The following CLDN16 variants were observed in gnomAD, a reference collection of about 807,000 sequenced individuals.
CLDN16 encodes the protein claudin-16.
CLDN16 carries 13 observed loss-of-function variants against 24.6 expected under a neutral mutation model. The observed-to-expected ratio is 0.53, with a 90% CI of 0.34 to 0.84. The LOEUF is 0.84. Among genes scored for constraint, CLDN16 ranks in the 40% least tolerant of loss-of-function variants. The probability of loss-of-function intolerance (pLI) is 0.01; values close to 1 mark genes in which losing one functional copy is unlikely to be tolerated. For missense variants in CLDN16, 298 were observed against 292.7 expected (o/e 1.02, Z -0.13); for synonymous variants, 116 against 106.7 (o/e 1.09, Z -0.54).
chr3:190,304,049 A>C, the CLDN16 span, among the ~76,000 whole-genome samples: 1 of 152,308 alleles, frequency 6.6e-6, no homozygotes, highest in East Asian at 1.9e-4. Flanking sequence ...TGTGGTTTGC[A>C]ATCCACACAG....
chr3:190,392,059 C>CTTTTTTTTTTTTTTTTTTTTTTTTTTTT (rs35220103), intron 1 of CLDN16, among the ~76,000 whole-genome samples: 2 of 126,074 alleles, frequency 1.6e-5, no homozygotes, highest in African/African-American at 5.7e-5. Flanking sequence ...CCTTTTCAGT[C>CTTTTTTTTTTTTTTTTTTTTTTTTTTTT]TTTTTTTTTT....
At chr3:190,406,892 C>T (rs1719117741) in intron 3 of CLDN16, among the ~76,000 whole-genome samples, 3 of 151,992 alleles carry the variant, frequency 2.0e-5, no homozygotes, top group South Asian at 2.1e-4. Flanking sequence ...CAGGCGCCCA[C>T]CACCACGCCT....
At chr3:190,292,470 A>G in the CLDN16 span, among the ~76,000 whole-genome samples, 1 of 152,216 alleles carries the variant, frequency 6.6e-6, no homozygotes, top group South Asian at 2.1e-4. Context: ...TATGATGGAA[A>G]GGGCTGCCTC....
intron 2 of CLDN16, among the ~76,000 whole-genome samples, chr3:190,371,949 C>T (rs1383188507): frequency 6.6e-6 from 1 of 151,896 alleles, no homozygotes; most frequent in Non-Finnish European, 1.5e-5. Context: ...CCCTTGGCCA[C>T]CATAAGTTTT....
intron 1 of CLDN16, among the ~76,000 whole-genome samples, chr3:190,358,722 C>A (rs555080155): frequency 6.6e-6 from 1 of 152,030 alleles, no homozygotes; most frequent in African/African-American, 2.4e-5. Context: ...TTGTATTAGA[C>A]AACTAATGAT....
intron 1 of CLDN16, among the ~76,000 whole-genome samples, chr3:190,349,212 G>A (rs941188101): frequency 1.3e-5 from 2 of 152,158 alleles, no homozygotes; most frequent in African/African-American, 2.4e-5. Flanking sequence ...GGTGGGAGGC[G>A]ATTGGATCAT....
intron 1 of CLDN16, among the ~76,000 whole-genome samples, chr3:190,346,264 A>G (rs1190197236): frequency 6.6e-6 from 1 of 152,054 alleles, no homozygotes; most frequent in Non-Finnish European, 1.5e-5. Context: ...TTGCTTAGGG[A>G]AGGAAAAAAA....
the CLDN16 span, among the ~76,000 whole-genome samples, chr3:190,296,384 A>C: frequency 6.6e-6 from 1 of 152,136 alleles, no homozygotes; most frequent in South Asian, 2.1e-4. Flanking sequence ...TCTGGTAAGA[A>C]AATTCTTCTG....
At chr3:190,290,464 A>C in the CLDN16 span, among the ~76,000 whole-genome samples, 1 of 152,216 alleles carries the variant, frequency 6.6e-6, no homozygotes, top group Non-Finnish European at 1.5e-5. Context: ...TTTGACCTTC[A>C]GGATCTCTTT....
chr3:190,339,509 T>A (rs1426887535), intron 1 of CLDN16, among the ~76,000 whole-genome samples: 1 of 152,206 alleles, frequency 6.6e-6, no homozygotes, highest in Non-Finnish European at 1.5e-5. Context: ...GAGGCAAGTC[T>A]AGTTGCAAAA....
At chr3:190,402,298 G>A (rs746240348) in intron 1 of CLDN16, 39 bp from the exon 2 acceptor site, 1 of 1,462,156 alleles carries the variant, frequency 6.8e-7, no homozygotes, top group Non-Finnish European at 9.6e-7. Context: ...AACTGTGCCT[G>A]CATGAATTGT....
intron 3 of CLDN16, among the ~76,000 whole-genome samples, 181 bp from the exon 4 acceptor site, chr3:190,408,133 C>T (rs1338622966): frequency 1.3e-5 from 2 of 152,128 alleles, no homozygotes; most frequent in Non-Finnish European, 2.9e-5. Context: ...AAAAAAGATA[C>T]AAGATGGAAG....
intron 1 of CLDN16, among the ~76,000 whole-genome samples, chr3:190,399,839 A>G (rs1040947159): frequency 6.6e-6 from 1 of 152,130 alleles, no homozygotes; most frequent in African/African-American, 2.4e-5. Flanking sequence ...GCAGTGAGCA[A>G]GTGAGCATTA....
At chr3:190,401,072 C>G (rs1718948637) in intron 1 of CLDN16, among the ~76,000 whole-genome samples, 1 of 152,084 alleles carries the variant, frequency 6.6e-6, no homozygotes, top group Non-Finnish European at 1.5e-5. Context: ...ATGGTATAGA[C>G]TCTGTATTGA....
At chr3:190,367,733 A>G (rs1482919267) in intron 1 of CLDN16, among the ~76,000 whole-genome samples, 1 of 152,004 alleles carries the variant, frequency 6.6e-6, no homozygotes, top group Non-Finnish European at 1.5e-5. Context: ...TAGAATTAGT[A>G]GAATATGTTT....
At position 190,324,030 on chromosome 3, in the gene CLDN16, T is replaced by C. The variant is rs150175133; in HGVS notation, n.121+1369T>C. Among the ~76,000 whole-genome samples the C allele has an allele frequency of 5.1e-3, 771 of 152,322 alleles. 5 individuals carry two copies. The highest frequency in any genetic ancestry group is 0.012 in the Admixed American group (191 of 15,304). On this transcript the variant is annotated intron_variant and non_coding_transcript_variant, in intron 1 of 4. Coordinates refer to the CLDN16 transcript ENST00000468220. ...GGGTGCCTGTCAGTGTGGATGAAGATGTATCAATCACATTTGATTTTGTAA... is the reference window on the plus strand; with the variant it reads ...GGGTGCCTGTCAGTGTGGATGAAGACGTATCAATCACATTTGATTTTGTAA...
chr3:190,297,854 C>T, the CLDN16 span, among the ~76,000 whole-genome samples: 7 of 149,778 alleles, frequency 4.7e-5, no homozygotes, highest in Admixed American at 4.7e-4. Flanking sequence ...TTGACTTCCA[C>T]TGAAACTCTG....
chr3:190,395,437 C>T (rs756758422), intron 1 of CLDN16, among the ~76,000 whole-genome samples: 12 of 151,616 alleles, frequency 7.9e-5, no homozygotes, highest in Non-Finnish European at 1.6e-4. Context: ...CCATTTAGGC[C>T]CTGGGATAGT....
At chr3:190,351,103 T>C (rs1394032308) in intron 1 of CLDN16, among the ~76,000 whole-genome samples, 1 of 151,934 alleles carries the variant, frequency 6.6e-6, no homozygotes, top group South Asian at 2.1e-4. Context: ...TGTAAAAGAC[T>C]GTGCACTCCC....
Sources: gnomAD v4.1 joint callset for allele counts (sites outside exome capture counted in the v4.1 genomes callset) on GRCh38, gnomAD v4.1.1 for gene constraint, MANE v1.5 for transcripts, NCBI Gene and HGNC (gene_info 2026-07-23, HGNC 2026-07-21) for gene names.